The following PARD3 variants were observed in gnomAD, a reference collection of about 807,000 sequenced individuals.
PARD3 encodes partitioning defective 3 homolog.
In PARD3, 75 loss-of-function variants were observed where a neutral mutation model predicts 155.4. The observed-to-expected ratio is 0.48, with a 90% CI of 0.40 to 0.58. The LOEUF (loss-of-function observed/expected upper bound fraction) is 0.58, where lower values mean the gene tolerates loss of function less well. Ranked by LOEUF, PARD3 falls within the 20% of genes least tolerant of loss-of-function variation. The pLI, the probability that PARD3 is intolerant of heterozygous loss-of-function variation, is 0.00. For missense variants in PARD3, 1,642 were observed against 1,721.7 expected (o/e 0.95, Z 0.82); for synonymous variants, 576 against 610.5 (o/e 0.94, Z 0.83).
rs551854900 is a variant in PARD3 at position 34,692,767 on chromosome 10, G to T, written c.222+3551C>A. ...CGGGCACCTGTAATCCCAGCTACTC[G>T]GGAGGCTGAGGCCAGAGAATCGCTT... On this transcript the variant is annotated intron_variant, in intron 2 of 24. Coordinates refer to ENST00000374788, the MANE Select transcript of PARD3 (RefSeq NM_001184785.2). Among the ~76,000 whole-genome samples, 11 of 152,074 alleles carry T rather than the reference G, an allele frequency of 7.2e-5. No individual in the cohort carries two copies. The East Asian group carries it at 1.4e-3, about 19-fold the overall frequency.
At chr10:34,462,932 GGAGGGAAGGGGA>G (rs1429457714) in intron 4 of PARD3, among the ~76,000 whole-genome samples, 126 of 114,624 alleles carry the variant, frequency 1.1e-3, no homozygotes, top group African/African-American at 4.0e-3. Flanking sequence ...GGAGGGAATG[GGAGGGAAGGGGA>G]GAGGGAAGAG....
chr10:34,749,531 A>C (rs1719800996), intron 1 of PARD3, among the ~76,000 whole-genome samples: 1 of 151,880 alleles, frequency 6.6e-6, no homozygotes, highest in African/African-American at 2.4e-5. Context: ...AATAAGAAAA[A>C]ACTGAAAATA....
At chr10:34,734,804 C>T (rs1179910191) in intron 1 of PARD3, among the ~76,000 whole-genome samples, 1 of 151,894 alleles carries the variant, frequency 6.6e-6, no homozygotes, top group African/African-American at 2.4e-5. Flanking sequence ...AATATGTTTG[C>T]AATTTAAGGT....
chr10:34,602,424 A>T (rs1033041257), intron 2 of PARD3, among the ~76,000 whole-genome samples: 16 of 152,170 alleles, frequency 1.1e-4, no homozygotes, highest in African/African-American at 3.6e-4. Context: ...AAAATACAAA[A>T]TTTGTTGTAT....
At chr10:34,368,839 T>TAAAAAAAAA (rs71033310) in intron 12 of PARD3, among the ~76,000 whole-genome samples, 1 of 108,614 alleles carries the variant, frequency 9.2e-6, no homozygotes, top group Non-Finnish European at 1.8e-5. Flanking sequence ...ATGAGCAATG[T>TAAAAAAAAA]AAAAAAAAAA....
chr10:34,383,025 G>A, intron 8 of PARD3, 103 bp from the exon 9 acceptor site: 1 of 1,318,572 alleles, frequency 7.6e-7, no homozygotes, highest in Non-Finnish European at 1.1e-6. Context: ...GAACTGACAG[G>A]CTGTTGAAAT....
chr10:34,232,741 C>G (rs1176681998), intron 22 of PARD3, among the ~76,000 whole-genome samples: 1 of 152,068 alleles, frequency 6.6e-6, no homozygotes, highest in Non-Finnish European at 1.5e-5. Flanking sequence ...TGCTGTATTG[C>G]CCAAGCGGGA....
At chr10:34,236,787 A>T (rs1953260497) in intron 22 of PARD3, among the ~76,000 whole-genome samples, 1 of 152,214 alleles carries the variant, frequency 6.6e-6, no homozygotes, top group African/African-American at 2.4e-5. Context: ...TCTTAGCACC[A>T]ATCAAGTCTA....
chr10:34,404,223 G>C (rs545434945), intron 5 of PARD3, among the ~76,000 whole-genome samples: 1 of 152,170 alleles, frequency 6.6e-6, no homozygotes, highest in Non-Finnish European at 1.5e-5. Context: ...TAAATTATCA[G>C]CTCCTGTATG....
chr10:34,343,980 T>A (rs1299846899), intron 15 of PARD3: 1 of 982,808 alleles, frequency 1.0e-6, no homozygotes, highest in Non-Finnish European at 1.2e-6. Context: ...ATAAAAACAT[T>A]AATGTTTCAT....
At chr10:34,130,660 C>T (rs1765172) in intron 23 of PARD3, among the ~76,000 whole-genome samples, 77,669 of 151,980 alleles carry the variant, frequency 0.51, 20,925 homozygotes, top group Non-Finnish European at 0.6. Context: ...AGTTCTGGCA[C>T]TGAGAAAGCC....
rs796321184 is a variant in PARD3, at chr10:34,754,020, AT to A, written c.121-57602del. ...AACATATGGAATTCTGGTTTTATTT[AT>A]TTTTTTTTTTTTAGAGACATCGTCT... On this transcript the variant is annotated intron_variant, in intron 1 of 24. Transcript: ENST00000374788. 2.7e-3 allele frequency among the ~76,000 whole-genome samples: 387 copies of A among 145,254 alleles called. 1 individual carries two copies. The highest frequency in any genetic ancestry group is 0.021 in the Middle Eastern group (6 of 282).
chr10:34,199,722 C>A (rs1177467929), intron 22 of PARD3, among the ~76,000 whole-genome samples: 2 of 152,150 alleles, frequency 1.3e-5, no homozygotes, highest in Non-Finnish European at 2.9e-5. Flanking sequence ...TTCCTACTTT[C>A]AAGAATAAAG....
At chr10:34,303,290 A>G (rs1240932694) in intron 20 of PARD3, among the ~76,000 whole-genome samples, 1 of 151,884 alleles carries the variant, frequency 6.6e-6, no homozygotes, top group East Asian at 1.9e-4. Flanking sequence ...GCTACGGCCT[A>G]GAAAGAACAT....
At chr10:34,452,258 C>A (rs2077102096) in intron 4 of PARD3, among the ~76,000 whole-genome samples, 1 of 152,094 alleles carries the variant, frequency 6.6e-6, no homozygotes, top group Middle Eastern at 3.2e-3. Flanking sequence ...AAAATCTACC[C>A]TCTCTTTTCA....
chr10:34,316,891 T>TTTTATTTA (rs370694797), intron 20 of PARD3, among the ~76,000 whole-genome samples: 3 of 152,086 alleles, frequency 2.0e-5, no homozygotes, highest in South Asian at 2.1e-4. Context: ...CTTTCAGTGC[T>TTTTATTTA]TTTATTTATT....
At chr10:34,164,846 A>G (rs1350946430) in intron 22 of PARD3, among the ~76,000 whole-genome samples, 1 of 152,196 alleles carries the variant, frequency 6.6e-6, no homozygotes, top group East Asian at 1.9e-4. Flanking sequence ...TTTGGGGATG[A>G]GCGAAAACAA....
chr10:34,642,843 C>T (rs777797246), intron 2 of PARD3, among the ~76,000 whole-genome samples: 3 of 152,184 alleles, frequency 2.0e-5, no homozygotes, highest in Non-Finnish European at 4.4e-5. Flanking sequence ...CCATCACCTA[C>T]AGTGCAGCCA....
intron 20 of PARD3, among the ~76,000 whole-genome samples, chr10:34,311,959 A>C (rs533325941): frequency 6.6e-6 from 1 of 151,764 alleles, no homozygotes; most frequent in Admixed American, 6.5e-5. Flanking sequence ...ACTGGTGGTT[A>C]CACAACACAA....
Sources: allele counts gnomAD v4.1 joint callset (sites outside exome capture counted in the v4.1 genomes callset), GRCh38; gene constraint gnomAD v4.1.1; transcripts MANE v1.5; gene names NCBI Gene and HGNC (gene_info 2026-07-23, HGNC 2026-07-21).